CIP2A: variants seen among roughly 807,000 people sequenced by gnomAD.
CIP2A encodes protein CIP2A.
A neutral mutation model predicts 110.9 loss-of-function variants in CIP2A; 103 were observed. That is an observed-to-expected ratio of 0.93 (90% CI 0.79 to 1.09). The LOEUF is 1.09. Among genes scored for constraint, CIP2A ranks in the 50% least tolerant of loss-of-function variants. The pLI is 0.00. For missense variants in CIP2A, 1,088 were observed against 1,038.4 expected, an observed-to-expected ratio of 1.05 and a Z score of -0.66; for synonymous variants, 381 against 361.6, an observed-to-expected ratio of 1.05 and a Z score of -0.61.
chr3:108,553,241 T>C (rs1275753557), intron 19 of CIP2A, among the ~76,000 whole-genome samples: 1 of 148,698 alleles, frequency 6.7e-6, no homozygotes, highest in Non-Finnish European at 1.5e-5. Flanking sequence ...ATTCTCCCAC[T>C]GTAGCTTCCT....
chr3:108,553,918 A>AAAAAAAAAAAAAAAAAAAAAAAAAAC (rs1937693280), intron 18 of CIP2A, among the ~76,000 whole-genome samples, 188 bp from the exon 19 acceptor site: 1 of 143,714 alleles, frequency 7.0e-6, no homozygotes, highest in Non-Finnish European at 1.5e-5. Context: ...AAAAAAAAAA[A>AAAAAAAAAAAAAAAAAAAAAAAAAAC]AGGTCTCGTT....
At chr3:108,578,023 C>A (rs1938739186) in intron 7 of CIP2A, among the ~76,000 whole-genome samples, 2 of 152,164 alleles carry the variant, frequency 1.3e-5, no homozygotes, top group African/African-American at 2.4e-5. Context: ...AGTAACCATG[C>A]AGTTAAGTTA....
chr3:108,579,471 T>C, intron 6 of CIP2A, 45 bp from the exon 7 acceptor site: 2 of 1,565,924 alleles, frequency 1.3e-6, no homozygotes, highest in Non-Finnish European at 1.7e-6. Context: ...AAAATTAAGT[T>C]GACACCATCC....
chr3:108,569,179 T>TATATATATATATATATATACATAC lies in CIP2A; in HGVS notation c.1113+209_1113+210insGTATGTATATATATATATATATAT, dbSNP rs1271625941. 1.4e-4 allele frequency among the ~76,000 whole-genome samples: 10 copies of TATATATATATATATATATACATAC among 72,090 alleles called. 1 individual carries two copies. The highest frequency in any genetic ancestry group is 6.9e-4 in the Admixed American group (4 of 5,814). 47.3% of individuals were successfully genotyped at this position (72,090 alleles called of 152,430 possible). On this transcript the variant is annotated intron_variant, in intron 9 of 20. Transcript: ENST00000295746. ...CACTGAAATGAGCACTATATATATA[T>TATATATATATATATATATACATAC]ATACATACACACTACTCAGTGAAAA... is the stretch of plus-strand genomic sequence containing the variant.
chr3:108,554,229 T>C, intron 18 of CIP2A, 147 bp downstream of exon 18: 1 of 509,394 alleles, frequency 2.0e-6, no homozygotes. Flanking sequence ...AGCAATTGCC[T>C]GTAACTTCCA....
chr3:108,566,607 A>T lies in CIP2A; in HGVS notation c.1305T>A (p.His435Gln), dbSNP rs567684085. 6.2e-7 allele frequency: 1 copy of T among 1,605,674 alleles called. No homozygotes were observed. The highest frequency in any genetic ancestry group is 8.5e-7 in the Non-Finnish European group (1 of 1,175,742). The change falls in exon 11 of 21, where the codon CAT (histidine) becomes CAA (glutamine). Residue 435 changes from histidine to glutamine, a missense_variant. Transcript: ENST00000295746. ...TLCGDDTLKMHIAKILTTVKC... is the reference protein window; with the variant it reads ...TLCGDDTLKMQIAKILTTVKC... ...TGACAGTTGTCAAGATTTTTGCAAT[A>T]TGCATTTTTAGTGTATCATCTCCAC...
chr3:108,563,303 T>C, intron 12 of CIP2A, 59 bp from the exon 13 acceptor site: 1 of 976,704 alleles, frequency 1.0e-6, no homozygotes, highest in Non-Finnish European at 1.6e-6. Flanking sequence ...GTCAGCTCTT[T>C]TAGATAGGAG....
At chr3:108,583,691 A>G (rs1938959767) in intron 2 of CIP2A, among the ~76,000 whole-genome samples, 2 of 152,176 alleles carry the variant, frequency 1.3e-5, no homozygotes, top group Non-Finnish European at 2.9e-5. Flanking sequence ...AGATGGAATA[A>G]GTTCTAATGT....
intron 16 of CIP2A, among the ~76,000 whole-genome samples, chr3:108,557,683 G>A (rs994848093): frequency 6.6e-6 from 1 of 151,960 alleles, no homozygotes; most frequent in African/African-American, 2.4e-5. Flanking sequence ...TGAAGGTCGC[G>A]CTACATACAG....
intron 12 of CIP2A, among the ~76,000 whole-genome samples, chr3:108,564,542 G>A (rs1450497253): frequency 1.3e-5 from 2 of 151,902 alleles, no homozygotes; most frequent in Non-Finnish European, 2.9e-5. Context: ...GGAGTCACTT[G>A]GATGAGTGCC....
rs999564595 is a variant in CIP2A, at chr3:108,568,382, C to A, written c.1114-68G>T. ...ATATACAATACAGAAAAAGTCATCA[C>A]TGAATTGTAACACTCTCTTTAAATT... On this transcript the variant is annotated intron_variant, in intron 9 of 20. Coordinates refer to ENST00000295746, the MANE Select transcript of CIP2A (RefSeq NM_020890.3). 28 of 1,330,452 alleles carry A rather than the reference C, an allele frequency of 2.1e-5. No individual in the cohort carries two copies. In the East Asian group the frequency reaches 4.9e-4, roughly 23 times the overall value. 82.4% of individuals were successfully genotyped at this position (1,330,452 alleles called of 1,614,324 possible). A position where few individuals can be genotyped will look rare whatever the true frequency, so the allele number is the denominator to read the frequency against.
At chr3:108,587,797 T>G (rs1939114441) in intron 1 of CIP2A, among the ~76,000 whole-genome samples, 1 of 152,158 alleles carries the variant, frequency 6.6e-6, no homozygotes, top group Non-Finnish European at 1.5e-5. Context: ...TTTGTTTTGT[T>G]TTTGAGACGG....
intron 7 of CIP2A, among the ~76,000 whole-genome samples, chr3:108,577,173 AC>A (rs1938684537): frequency 6.6e-6 from 1 of 152,136 alleles, no homozygotes; most frequent in Non-Finnish European, 1.5e-5. Flanking sequence ...AGACAAAAAA[AC>A]AAAATGTGTG....
chr3:108,571,099 G>A (rs1434455545), intron 8 of CIP2A, among the ~76,000 whole-genome samples: 1 of 152,052 alleles, frequency 6.6e-6, no homozygotes, highest in Non-Finnish European at 1.5e-5. Context: ...CCCACTGGAA[G>A]GTCTTCAGGG....
Position 108,560,670 on chromosome 3 carries a change from C to T in CIP2A, c.1806G>A (p.Glu602=). The change falls in exon 14 of 21, where the codon GAG becomes GAA. Residue 602 remains glutamate, a synonymous_variant. Coordinates refer to ENST00000295746, the MANE Select transcript of CIP2A (RefSeq NM_020890.3). ...VPGLNIEELI[E]KLQSGMVVKD... ...TCACCACCATTCCAGACTGAAGTTT[C>T]TCTATTAATTCTTCAATATTCAATC... 1 of 1,606,298 alleles carries T rather than the reference C, an allele frequency of 6.2e-7. No individual in the cohort carries two copies. The highest frequency in any genetic ancestry group is 8.5e-7 in the Non-Finnish European group (1 of 1,176,174).
At chr3:108,583,327 T>A (rs1341264963) in intron 2 of CIP2A, among the ~76,000 whole-genome samples, 1 of 152,198 alleles carries the variant, frequency 6.6e-6, no homozygotes, top group African/African-American at 2.4e-5. Flanking sequence ...ATACTAATTA[T>A]TTTAGTATCA....
chr3:108,560,933 G>A, intron 13 of CIP2A, 92 bp from the exon 14 acceptor site: 1 of 764,520 alleles, frequency 1.3e-6, no homozygotes, highest in Non-Finnish European at 2.0e-6. Context: ...TTAAGAATGG[G>A]TCCTTTTTTT....
At chr3:108,570,696 G>C (rs991289124) in intron 8 of CIP2A, among the ~76,000 whole-genome samples, 2 of 152,120 alleles carry the variant, frequency 1.3e-5, no homozygotes, top group Non-Finnish European at 2.9e-5. Context: ...ACTGGAAGTT[G>C]CTCTGGGTGA....
chr3:108,557,471 A>G, intron 16 of CIP2A, 57 bp from the exon 17 acceptor site: 1 of 1,270,328 alleles, frequency 7.9e-7, no homozygotes, highest in Admixed American at 2.5e-5. Flanking sequence ...TATGCTCAAC[A>G]CATACCTACA....
Sources: allele counts gnomAD v4.1 joint callset (sites outside exome capture counted in the v4.1 genomes callset), GRCh38; gene constraint gnomAD v4.1.1; transcripts MANE v1.5; gene names NCBI Gene and HGNC (gene_info 2026-07-23, HGNC 2026-07-21).